Variants in CLPTM1 observed in about 807,000 individuals in gnomAD.
CLPTM1 encodes putative lipid scramblase CLPTM1.
A neutral mutation model predicts 77.3 loss-of-function variants in CLPTM1; 21 were observed. The ratio of observed to expected loss-of-function variants is 0.27; its 90% CI spans 0.19 to 0.39. The LOEUF (loss-of-function observed/expected upper bound fraction) is 0.39. CLPTM1 is among the 10% of genes least tolerant of loss of function. The pLI, the probability that CLPTM1 is intolerant of heterozygous loss-of-function variation, is 1.00. For missense variants in CLPTM1, 642 were observed against 921.2 expected (o/e 0.70, Z 3.92); for synonymous variants, 373 against 381.0 (o/e 0.98, Z 0.24).
chr19:44,966,128 T>C (rs767306949), intron 2 of CLPTM1, among the ~76,000 whole-genome samples: 12 of 151,854 alleles, frequency 7.9e-5, no homozygotes, highest in Non-Finnish European at 1.2e-4. Context: ...AAGTGTAATG[T>C]GGGCCGGGCG....
At chr19:44,961,353 C>A (rs889574342) in intron 1 of CLPTM1, among the ~76,000 whole-genome samples, 1 of 152,182 alleles carries the variant, frequency 6.6e-6, no homozygotes, top group Non-Finnish European at 1.5e-5. Context: ...ATGGTTTGCC[C>A]AGGGAAGGCT....
At chr19:44,989,484 C>T (rs962116703) in intron 9 of CLPTM1, among the ~76,000 whole-genome samples, 5 of 146,686 alleles carry the variant, frequency 3.4e-5, no homozygotes, top group Non-Finnish European at 7.5e-5. Flanking sequence ...CAGACCCATT[C>T]TTCTCAGTTG....
At chr19:44,955,275 G>C, upstream of CLPTM1, 3 of 1,463,850 alleles carry the variant, frequency 2.0e-6, no homozygotes, top group South Asian at 4.1e-5. Flanking sequence ...CGTGGCTGCG[G>C]CACTCTTGCC....
chr19:44,959,180 A>G (rs1221344254), intron 1 of CLPTM1, among the ~76,000 whole-genome samples: 1 of 151,088 alleles, frequency 6.6e-6, no homozygotes, highest in African/African-American at 2.4e-5. Flanking sequence ...TGCTGCTATG[A>G]ACATTCATGT....
At chr19:44,971,476 A>T (rs974228035) in intron 2 of CLPTM1, among the ~76,000 whole-genome samples, 2 of 152,178 alleles carry the variant, frequency 1.3e-5, no homozygotes, top group African/African-American at 4.8e-5. Context: ...TTCTCCAAAA[A>T]TTCTCCAAAA....
intron 1 of CLPTM1, among the ~76,000 whole-genome samples, chr19:44,957,949 T>G (rs1421792376): frequency 6.6e-6 from 1 of 152,100 alleles, no homozygotes; most frequent in African/African-American, 2.4e-5. Context: ...TGGAGCTGAA[T>G]TTATAGGGGA....
intron 8 of CLPTM1, 174 bp from the exon 9 acceptor site, chr19:44,987,905 CT>C (rs960209446): frequency 4.7e-6 from 3 of 637,472 alleles, no homozygotes; most frequent in Non-Finnish European, 5.6e-6. Flanking sequence ...TCTCTTCTGT[CT>C]TTGTGAGTCA....
At chr19:44,961,338 C>T (rs1970539878) in intron 1 of CLPTM1, among the ~76,000 whole-genome samples, 2 of 152,178 alleles carry the variant, frequency 1.3e-5, no homozygotes, top group African/African-American at 2.4e-5. Context: ...GAGGGGGCCT[C>T]AGGAATGGTT....
intron 6 of CLPTM1, 91 bp from the exon 7 acceptor site, chr19:44,986,364 C>T (rs940642426): frequency 6.7e-7 from 1 of 1,483,576 alleles, no homozygotes; most frequent in African/African-American, 1.4e-5. Context: ...TTAAGATTTT[C>T]TCGGGAACCC....
At chr19:44,989,377 G>A (rs529189534) in intron 9 of CLPTM1, among the ~76,000 whole-genome samples, 13 of 152,236 alleles carry the variant, frequency 8.5e-5, no homozygotes, top group Admixed American at 3.3e-4. Flanking sequence ...AGCAGGGGGC[G>A]CAGGCCTCAC....
intron 2 of CLPTM1, among the ~76,000 whole-genome samples, chr19:44,965,137 A>G (rs887958778): frequency 2.6e-5 from 4 of 152,098 alleles, no homozygotes; most frequent in Middle Eastern, 3.2e-3. Context: ...ATAAGAGACC[A>G]CACCATGCAG....
chr19:44,991,505 C>T lies in CLPTM1; in HGVS notation c.1555+132C>T, dbSNP rs367896496. 3.3e-5 allele frequency: 35 copies of T among 1,069,972 alleles called. No homozygotes were observed. The South Asian group carries it at 3.3e-4, about 10-fold the overall frequency. 66.3% of individuals were successfully genotyped at this position (1,069,972 alleles called of 1,614,324 possible). A position where few individuals can be genotyped will look rare whatever the true frequency, so the allele number is the denominator to read the frequency against. Reference sequence around the variant, plus strand: ...GGCAGAGCTGGGATATAGGGAGGCCCGAGGGCACACATGGCCCCATCTGGG... The same window carrying T: ...GGCAGAGCTGGGATATAGGGAGGCCTGAGGGCACACATGGCCCCATCTGGG... On this transcript the variant is annotated intron_variant, in intron 12 of 13. Coordinates refer to ENST00000337392, the MANE Select transcript of CLPTM1 (RefSeq NM_001294.4). The surrounding 1 kb of genome is among the most constrained non-coding windows in gnomAD (Gnocchi z 5.4).
chr19:44,968,315 G>A (rs1970666297), intron 2 of CLPTM1, among the ~76,000 whole-genome samples: 1 of 152,148 alleles, frequency 6.6e-6, no homozygotes, highest in Non-Finnish European at 1.5e-5. Flanking sequence ...TCTAGATAGC[G>A]GGTGGCGTCT....
In CLPTM1 at chr19:44,992,302, G is replaced by A; in HGVS notation, c.1625G>A (p.Arg542His). The A allele has an allele frequency of 6.2e-7, 1 of 1,614,082 alleles. No individual in the cohort carries two copies. The highest frequency in any genetic ancestry group is 8.5e-7 in the Non-Finnish European group (1 of 1,179,962). ...KLKSVAHLPWRMLTYKALNTF... is the reference protein window; with the variant it reads ...KLKSVAHLPWHMLTYKALNTF... ...AAGTCTGTGGCCCACCTTCCCTGGC[G>A]CATGCTCACCTACAAGGCCCTCAAC... Residue 542 changes from arginine to histidine, a missense_variant, in exon 13 of 14, where the codon CGC (arginine) becomes CAC (histidine). Transcript: ENST00000337392. This position sits in a 1 kb window ranked among gnomAD's most constrained non-coding sequence, Gnocchi z 7.7.
chr19:44,981,715 C>T (rs1568387263), intron 5 of CLPTM1, among the ~76,000 whole-genome samples: 2 of 151,912 alleles, frequency 1.3e-5, no homozygotes, highest in South Asian at 4.2e-4. Context: ...GAGTTCGAGA[C>T]CAGCCTGGGC....
chr19:44,992,107 G>A lies in CLPTM1; in HGVS notation c.1556-126G>A. Reference sequence around the variant, plus strand: ...AGAGGCCGCTGGTAGAGTGTGCCCAGGTATAGGAAGTGGTAGAGTGTGCCC... The same window carrying A: ...AGAGGCCGCTGGTAGAGTGTGCCCAAGTATAGGAAGTGGTAGAGTGTGCCC... On this transcript the variant is annotated intron_variant, in intron 12 of 13. Transcript: ENST00000337392. The surrounding 1 kb of genome is among the most constrained non-coding windows in gnomAD (Gnocchi z 7.7). The A allele has an allele frequency of 1.1e-6, 1 of 941,462 alleles. No individual in the cohort carries two copies. The allele number at this position is 941,462 out of a possible 1,614,324, so 58.3% of individuals were successfully genotyped here. A position where few individuals can be genotyped will look rare whatever the true frequency, so the allele number is the denominator to read the frequency against.
intron 5 of CLPTM1, among the ~76,000 whole-genome samples, chr19:44,982,897 AC>A (rs1389741601): frequency 1.3e-5 from 2 of 152,134 alleles, no homozygotes; most frequent in Admixed American, 1.3e-4. Flanking sequence ...CTCCGTCTCT[AC>A]TAAAAATACA....
intron 1 of CLPTM1, chr19:44,955,960 T>C (rs75726005): frequency 0.013 from 1,947 of 154,580 alleles, 38 homozygotes; most frequent in African/African-American, 0.041. Flanking sequence ...AAGGCGCTTC[T>C]AGAAGGTCAT....
At chr19:44,957,641 G>A (rs771723375) in intron 1 of CLPTM1, among the ~76,000 whole-genome samples, 5 of 152,192 alleles carry the variant, frequency 3.3e-5, no homozygotes, top group African/African-American at 4.8e-5. Context: ...GTGCGTGGAC[G>A]TGCAGATCCG....
Sources: allele counts gnomAD v4.1 joint callset (sites outside exome capture counted in the v4.1 genomes callset), GRCh38; gene constraint gnomAD v4.1.1; non-coding constraint Gnocchi (gnomAD v3.1); transcripts MANE v1.5; gene names NCBI Gene and HGNC (gene_info 2026-07-23, HGNC 2026-07-21).